Variants in CAMTA1 observed in about 807,000 individuals in gnomAD.
CAMTA1 encodes calmodulin-binding transcription activator 1.
A neutral mutation model predicts 170.9 loss-of-function variants in CAMTA1; 27 were observed. That is an observed-to-expected ratio of 0.16 (90% CI 0.12 to 0.22). CAMTA1 has a LOEUF of 0.22. Ranked by LOEUF, CAMTA1 falls within the 10% of genes least tolerant of loss-of-function variation. CAMTA1 has a pLI of 1.00. For synonymous variants in CAMTA1, 833 were observed against 891.5 expected (o/e 0.93, Z 1.17); for missense variants, 1,619 against 2,217.2 (o/e 0.73, Z 5.42).
At chr1:7,498,435 GTA>G (rs1307786119) in intron 6 of CAMTA1, among the ~76,000 whole-genome samples, 3 of 151,058 alleles carry the variant, frequency 2.0e-5, no homozygotes, top group East Asian at 3.9e-4. Context: ...ATGTGCGTGT[GTA>G]TGAGTGTGTG....
intron 3 of CAMTA1, among the ~76,000 whole-genome samples, chr1:6,843,672 G>A (rs1340661436): frequency 6.6e-6 from 1 of 152,150 alleles, no homozygotes; most frequent in Non-Finnish European, 1.5e-5. Context: ...TAGAGGCAGG[G>A]TTTCACCATG....
At chr1:7,013,537 T>G (rs1700121384) in intron 3 of CAMTA1, among the ~76,000 whole-genome samples, 1 of 152,184 alleles carries the variant, frequency 6.6e-6, no homozygotes, top group Non-Finnish European at 1.5e-5. Flanking sequence ...GAGTCTTTTC[T>G]CAACCCGGAA....
intron 3 of CAMTA1, among the ~76,000 whole-genome samples, chr1:7,083,015 G>A (rs1032518281): frequency 2.0e-5 from 3 of 152,140 alleles, no homozygotes; most frequent in Admixed American, 6.6e-5. Context: ...ATAATTCATC[G>A]AATGGTTGAA....
At position 7,737,368 on chromosome 1, in the gene CAMTA1, G is replaced by A; in HGVS notation, c.3456G>A (p.Arg1152=). The change falls in exon 15 of 23, where the codon AGG becomes AGA. Residue 1152 remains arginine (R), a synonymous_variant. Transcript: ENST00000303635. ...GAAGGCTGCCTTTGGGAATTGCCAG[G>A]TCACGGGGTCATGTGAAATTAGCAG... is the stretch of plus-strand genomic sequence containing the variant. ...SLGRLPLGIA[R]SRGHVKLAEC... 1.2e-6 allele frequency: 2 copies of A among 1,614,240 alleles called. No individual in the cohort carries two copies. Among genetic ancestry groups the A allele is most frequent in the Non-Finnish European group, 1.7e-6 (2 of 1,180,048 alleles).
Position 7,276,294 on chromosome 1 carries a change from TATATATATA to T in CAMTA1, c.438+26669_438+26677del, listed in dbSNP as rs1249845960. ...ACACCTGATCATATATATATATATA[TATATATATA>T]TTTTTTTTTTTTTTTTTTCTTTTTG... On this transcript the variant is annotated intron_variant, in intron 5 of 22. Coordinates refer to ENST00000303635, the MANE Select transcript of CAMTA1 (RefSeq NM_015215.4). Among the ~76,000 whole-genome samples, 5 of 14,328 alleles carry T rather than the reference TATATATATA, an allele frequency of 3.5e-4. 1 individual carries two copies. The highest frequency in any genetic ancestry group is 6.9e-4 in the Non-Finnish European group (5 of 7,242). The allele number at this position is 14,328 out of a possible 152,430, so 9.4% of individuals were successfully genotyped here.
chr1:7,176,991 C>T (rs918931014), intron 4 of CAMTA1, among the ~76,000 whole-genome samples: 1 of 152,094 alleles, frequency 6.6e-6, no homozygotes, highest in Non-Finnish European at 1.5e-5. Context: ...CATTGCTGAG[C>T]ATCTGCATAA....
chr1:7,717,395 A>G (rs2096618604), intron 11 of CAMTA1, among the ~76,000 whole-genome samples: 2 of 152,190 alleles, frequency 1.3e-5, no homozygotes, highest in Admixed American at 1.3e-4. Flanking sequence ...CACAACGTTC[A>G]TGTACTTCAA....
At chr1:7,152,710 C>T (rs1646647491) in intron 4 of CAMTA1, among the ~76,000 whole-genome samples, 1 of 152,196 alleles carries the variant, frequency 6.6e-6, no homozygotes, top group Non-Finnish European at 1.5e-5. Flanking sequence ...CCCTCCCAGC[C>T]CGAGACTCTT....
intron 5 of CAMTA1, among the ~76,000 whole-genome samples, chr1:7,332,788 A>G (rs938222602): frequency 3.3e-5 from 5 of 152,230 alleles, no homozygotes; most frequent in Non-Finnish European, 5.9e-5. Context: ...AATAAAGAAT[A>G]TACTTACAGT....
intron 3 of CAMTA1, among the ~76,000 whole-genome samples, chr1:7,075,612 G>T (rs1291944361): frequency 1.3e-5 from 2 of 150,758 alleles, no homozygotes; most frequent in Non-Finnish European, 2.9e-5. Context: ...TCCAGCCTGT[G>T]TTGACCTGGC....
chr1:6,999,588 G>C (rs958555424), intron 3 of CAMTA1, among the ~76,000 whole-genome samples: 6 of 152,132 alleles, frequency 3.9e-5, no homozygotes, highest in African/African-American at 9.7e-5. Context: ...TTCCCATGTT[G>C]CCTAGGCTGG....
At chr1:6,938,151 A>G (rs1016347736) in intron 3 of CAMTA1, among the ~76,000 whole-genome samples, 1 of 152,226 alleles carries the variant, frequency 6.6e-6, no homozygotes, top group Non-Finnish European at 1.5e-5. Flanking sequence ...TTAAGATTTT[A>G]TAGGATAAAA....
chr1:6,956,089 G>A (rs1410531337), intron 3 of CAMTA1, among the ~76,000 whole-genome samples: 1 of 152,108 alleles, frequency 6.6e-6, no homozygotes, highest in Non-Finnish European at 1.5e-5. Context: ...ACCGCTTGGG[G>A]CTCCCCAATC....
intron 21 of CAMTA1, among the ~76,000 whole-genome samples, chr1:7,755,221 G>A (rs2150206045): frequency 6.6e-6 from 1 of 151,482 alleles, no homozygotes; most frequent in East Asian, 1.9e-4. Context: ...CAGCTACTTG[G>A]GAGGCTGGGG....
chr1:6,904,733 ATTTTTTTTTTTTT>A lies in CAMTA1; in HGVS notation c.234+79543_234+79555del, dbSNP rs70984036. On this transcript the variant is annotated intron_variant, in intron 3 of 22. Transcript: ENST00000303635. The stretch of plus-strand genomic sequence containing the variant: ...AGGCATGCGCCACCATGCCCAGCTA[ATTTTTTTTTTTTT>A]TTTTTTTTTTTTTTTTTTTAATTTT... 2.4e-4 allele frequency among the ~76,000 whole-genome samples: 17 copies of A among 70,998 alleles called. 1 individual carries two copies. The highest frequency in any genetic ancestry group is 1.3e-3 in the Admixed American group (5 of 3,816). 46.6% of individuals were successfully genotyped at this position (70,998 alleles called of 152,430 possible). A position where few individuals can be genotyped will look rare whatever the true frequency, so the allele number is the denominator to read the frequency against.
intron 11 of CAMTA1, among the ~76,000 whole-genome samples, chr1:7,701,589 T>A (rs989822832): frequency 2.6e-5 from 4 of 151,770 alleles, no homozygotes; most frequent in South Asian, 2.1e-4. Context: ...CTAATTTTTT[T>A]TAAAAAAAAT....
Position 6,989,576 on chromosome 1 carries a change from G to A in CAMTA1, c.235-101728G>A, listed in dbSNP as rs543330160. Among the ~76,000 whole-genome samples the A allele has an allele frequency of 2.0e-5, 3 of 152,244 alleles. No homozygotes were observed. The South Asian group carries it at 6.2e-4, about 32-fold the overall frequency. ...GATTTATGAGAACTCACCGTTCAAGGTATCTGCTCTGTTATTGCTCCTAAG... is the reference window on the plus strand; with the variant it reads ...GATTTATGAGAACTCACCGTTCAAGATATCTGCTCTGTTATTGCTCCTAAG... On this transcript the variant is annotated intron_variant, in intron 3 of 22. Coordinates refer to ENST00000303635, the MANE Select transcript of CAMTA1 (RefSeq NM_015215.4).
intron 4 of CAMTA1, among the ~76,000 whole-genome samples, chr1:7,140,536 T>C (rs1221318705): frequency 6.6e-6 from 1 of 152,162 alleles, no homozygotes; most frequent in East Asian, 1.9e-4. Context: ...TTGTGAGAAT[T>C]CACCCAGGAG....
intron 5 of CAMTA1, among the ~76,000 whole-genome samples, chr1:7,288,813 G>A (rs1467781880): frequency 6.6e-6 from 1 of 152,218 alleles, no homozygotes; most frequent in African/African-American, 2.4e-5. Context: ...CTCTCGTGAA[G>A]CATTTGGTAT....
Sources: gnomAD v4.1 joint callset for allele counts (sites outside exome capture counted in the v4.1 genomes callset) on GRCh38, gnomAD v4.1.1 for gene constraint, MANE v1.5 for transcripts, NCBI Gene and HGNC (gene_info 2026-07-23, HGNC 2026-07-21) for gene names.